Variants in SRL observed in about 807,000 individuals in gnomAD.
The protein encoded by SRL is sarcalumenin.
A neutral mutation model predicts 39.5 loss-of-function variants in SRL; 23 were observed. That is an observed-to-expected ratio of 0.58 (90% confidence interval 0.42 to 0.82). The LOEUF (loss-of-function observed/expected upper bound fraction) is 0.82, where lower values mean the gene tolerates loss of function less well. SRL is among the 40% of genes least tolerant of loss of function. SRL has a pLI of 0.00. For synonymous variants in SRL, 272 were observed against 237.4 expected, an observed-to-expected ratio of 1.15 and a Z score of -1.34; for missense variants, 592 against 607.8, an observed-to-expected ratio of 0.97 and a Z score of 0.27.
chr16:4,209,754 C>T (rs916556728), intron 1 of SRL, among the ~76,000 whole-genome samples: 2 of 152,208 alleles, frequency 1.3e-5, no homozygotes, highest in Non-Finnish European at 2.9e-5. Context: ...TCCCCCAGCA[C>T]TTTCATATGC....
intron 1 of SRL, among the ~76,000 whole-genome samples, chr16:4,206,177 C>T (rs924253837): frequency 6.6e-6 from 1 of 152,138 alleles, no homozygotes; most frequent in East Asian, 1.9e-4. Context: ...GGCCCCGAGC[C>T]CTTTGAGGGC....
intron 3 of SRL, among the ~76,000 whole-genome samples, chr16:4,202,020 G>C (rs1011758606): frequency 2.5e-4 from 38 of 151,984 alleles, no homozygotes; most frequent in Admixed American, 3.3e-4. Flanking sequence ...CAAACTCCTG[G>C]GCTCAAGCCA....
intron 1 of SRL, among the ~76,000 whole-genome samples, chr16:4,232,007 G>T (rs1185193228): frequency 6.6e-6 from 1 of 152,146 alleles, no homozygotes; most frequent in South Asian, 2.1e-4. Context: ...GGGACTTGGC[G>T]GCTGATTTGT....
At chr16:4,213,194 C>G (rs1282542366) in intron 1 of SRL, among the ~76,000 whole-genome samples, 1 of 152,064 alleles carries the variant, frequency 6.6e-6, no homozygotes, top group Non-Finnish European at 1.5e-5. Context: ...GCAGAGACAG[C>G]CACCCACTTT....
chr16:4,206,712 G>C (rs1715812964), intron 1 of SRL: 1 of 456,182 alleles, frequency 2.2e-6, no homozygotes, highest in South Asian at 1.5e-5. Flanking sequence ...TTGCTGTTAG[G>C]GAATTAATTC....
intron 1 of SRL, among the ~76,000 whole-genome samples, chr16:4,224,432 A>T (rs1348240115): frequency 1.3e-5 from 2 of 152,116 alleles, no homozygotes; most frequent in African/African-American, 4.8e-5. Context: ...GAGGCCAGGC[A>T]CGGTGGTTCA....
rs186675983 is a variant in SRL at position 4,203,731 on chromosome 16, G to A, written c.164-470C>T. Among the ~76,000 whole-genome samples the A allele has an allele frequency of 4.7e-4, 71 of 152,194 alleles. 1 individual carries two copies. The highest frequency in any genetic ancestry group is 1.7e-3 in the African/African-American group (69 of 41,524). Reference sequence around the variant, plus strand: ...ACCTCTCTCCTCCTTCCTCACCTCAGTAGTGTGTCTGAAACCTTGTCTCGG... The same window carrying A: ...ACCTCTCTCCTCCTTCCTCACCTCAATAGTGTGTCTGAAACCTTGTCTCGG... On this transcript the variant is annotated intron_variant, in intron 2 of 5. Transcript: ENST00000399609.
rs757937739 is a variant in SRL at position 4,203,303 on chromosome 16, C to T, written c.164-42G>A. 4.9e-5 allele frequency: 76 copies of T among 1,556,986 alleles called. No individual in the cohort carries two copies. In the Admixed American group the frequency reaches 7.5e-4, roughly 15 times the overall value. On this transcript the variant is annotated intron_variant, in intron 2 of 5. Transcript: ENST00000399609. ...CCGGGGGAAGAGCATCACGCAGGTG[C>T]GATCCAGGCAGCTCCTCCATTGTGG... is the stretch of plus-strand genomic sequence containing the variant.
intron 5 of SRL, 59 bp from the exon 6 acceptor site, chr16:4,193,023 C>T: frequency 6.9e-7 from 1 of 1,455,446 alleles, no homozygotes; most frequent in South Asian, 1.3e-5. Context: ...GCCCGCGCAC[C>T]TCCTTTCAGA....
intron 1 of SRL, among the ~76,000 whole-genome samples, chr16:4,230,116 C>T (rs1336251548): frequency 1.3e-5 from 2 of 152,120 alleles, no homozygotes; most frequent in African/African-American, 2.4e-5. Flanking sequence ...GGCAGCCACC[C>T]TCCTACCTAC....
At chr16:4,232,269 G>T (rs536500732) in intron 1 of SRL, among the ~76,000 whole-genome samples, 6 of 152,360 alleles carry the variant, frequency 3.9e-5, no homozygotes, top group African/African-American at 1.4e-4. Context: ...TTCTTTTCCA[G>T]ATTCTTCCCA....
At chr16:4,211,873 G>A (rs2052398635) in intron 1 of SRL, among the ~76,000 whole-genome samples, 1 of 152,200 alleles carries the variant, frequency 6.6e-6, no homozygotes, top group Admixed American at 6.5e-5. Context: ...CGATGGTGAT[G>A]ATGGTGAGAG....
At chr16:4,220,159 C>T (rs190126841) in intron 1 of SRL, among the ~76,000 whole-genome samples, 4 of 152,178 alleles carry the variant, frequency 2.6e-5, no homozygotes, top group Non-Finnish European at 2.9e-5. Context: ...AGAAATCTCA[C>T]GTCTAGGCCA....
chr16:4,192,675 C>T lies in SRL; in HGVS notation c.900G>A (p.Pro300=), dbSNP rs773222425. The T allele has an allele frequency of 8.1e-6, 13 of 1,613,932 alleles. No individual in the cohort carries two copies. The highest frequency in any genetic ancestry group is 5.0e-5 in the Admixed American group (3 of 59,974). The change falls in exon 6 of 6, where the codon CCG becomes CCA. Residue 300 remains proline, a synonymous_variant. Transcript: ENST00000399609. The surrounding 1 kb of genome is among the most constrained non-coding windows in gnomAD (Gnocchi z 4.0). The part of the protein sequence containing the change: ...VSSFWPQEYK[P]DTHQELFLQE... ...GGAGGAACAGTTCCTGATGGGTGTC[C>T]GGCTTATACTCTTGTGGCCAGAAGG... is the stretch of plus-strand genomic sequence containing the variant.
intron 1 of SRL, among the ~76,000 whole-genome samples, chr16:4,241,344 G>A (rs1482407352): frequency 2.0e-5 from 3 of 152,106 alleles, no homozygotes; most frequent in African/African-American, 7.2e-5. Context: ...GATGTCAAAG[G>A]GAAGCCTCAG....
At chr16:4,201,110 G>T (rs1385719859) in intron 3 of SRL, among the ~76,000 whole-genome samples, 1 of 123,204 alleles carries the variant, frequency 8.1e-6, no homozygotes. Flanking sequence ...TAATTCCAGG[G>T]TTCCAATTTT....
chr16:4,202,711 T>G (rs2052252903), intron 3 of SRL, among the ~76,000 whole-genome samples: 1 of 152,160 alleles, frequency 6.6e-6, no homozygotes, highest in Non-Finnish European at 1.5e-5. Flanking sequence ...AAATCAATTT[T>G]GTAAAGAATC....
chr16:4,229,075 C>T (rs1162539050), intron 1 of SRL, among the ~76,000 whole-genome samples: 2 of 152,042 alleles, frequency 1.3e-5, no homozygotes, highest in Non-Finnish European at 2.9e-5. Context: ...ACAGAATCAA[C>T]CCAGATGCCC....
intron 1 of SRL, among the ~76,000 whole-genome samples, chr16:4,230,420 G>A (rs146735905): frequency 1.4e-3 from 210 of 146,078 alleles, no homozygotes; most frequent in African/African-American, 4.9e-3. Context: ...TTGCCCTGTC[G>A]CCCAGGCTGG....
Sources: allele counts gnomAD v4.1 joint callset (sites outside exome capture counted in the v4.1 genomes callset), GRCh38; gene constraint gnomAD v4.1.1; non-coding constraint Gnocchi (gnomAD v3.1); transcripts MANE v1.5; gene names NCBI Gene and HGNC (gene_info 2026-07-23, HGNC 2026-07-21).